The following PCDH15 variants were observed in gnomAD, a reference collection of about 807,000 sequenced individuals.
The protein encoded by PCDH15 is protocadherin-15.
Under a neutral mutation model 178.5 loss-of-function variants are expected in PCDH15, and 129 were observed. The ratio of observed to expected loss-of-function variants is 0.72; its 90% confidence interval spans 0.63 to 0.84. The LOEUF (loss-of-function observed/expected upper bound fraction) is 0.84. Among genes scored for constraint, PCDH15 ranks in the 40% least tolerant of loss-of-function variants. PCDH15 has a pLI of 0.00. For synonymous variants in PCDH15, 800 were observed against 732.0 expected (o/e 1.09, Z -1.50); for missense variants, 2,230 against 2,099.9 (o/e 1.06, Z -1.21).
intron 2 of PCDH15, among the ~76,000 whole-genome samples, chr10:54,581,228 A>G (rs1220806784): frequency 6.6e-6 from 1 of 152,144 alleles, no homozygotes; most frequent in Non-Finnish European, 1.5e-5. Flanking sequence ...TGAAATGGAT[A>G]AATGACTTCA....
chr10:53,955,964 C>T (rs1186222548), intron 23 of PCDH15, among the ~76,000 whole-genome samples: 1 of 151,688 alleles, frequency 6.6e-6, no homozygotes, highest in East Asian at 1.9e-4. Context: ...GGCATATTGC[C>T]AAAGCTAGCA....
At chr10:54,990,942 A>C (rs2131916746) in intron 2 of PCDH15, among the ~76,000 whole-genome samples, 1 of 148,280 alleles carries the variant, frequency 6.7e-6, no homozygotes, top group South Asian at 2.2e-4. Flanking sequence ...TGGCAATTCA[A>C]ATCTTCCCCA....
intron 6 of PCDH15, among the ~76,000 whole-genome samples, chr10:54,341,452 C>T (rs774757562): frequency 4.6e-5 from 7 of 152,182 alleles, no homozygotes; most frequent in African/African-American, 9.7e-5. Context: ...TGAGGTGTCC[C>T]TAGCCATTCA....
At chr10:54,518,858 G>C (rs370732948) in intron 3 of PCDH15, among the ~76,000 whole-genome samples, 46 of 152,186 alleles carry the variant, frequency 3.0e-4, no homozygotes, top group Non-Finnish European at 4.3e-4. Context: ...AAAAGCTTAT[G>C]CACCATGATC....
chr10:54,872,690 A>T lies in PCDH15; in HGVS notation c.-29+24760T>A, dbSNP rs558181953. On this transcript the variant is annotated intron_variant, in intron 3 of 5. Coordinates refer to the PCDH15 transcript ENST00000458638. ...ATGATTTCCTCATCAACAGCCTTGC[A>T]TCATGCTCGATATACTTAGATTATG... Among the ~76,000 whole-genome samples, 7 of 152,226 alleles carry T rather than the reference A, an allele frequency of 4.6e-5. No homozygotes were observed. In the East Asian group the frequency reaches 9.7e-4, roughly 21 times the overall value.
At chr10:55,476,881 T>A (rs942764724) in intron 2 of PCDH15, among the ~76,000 whole-genome samples, 15 of 151,956 alleles carry the variant, frequency 9.9e-5, no homozygotes, top group Non-Finnish European at 2.9e-5. Context: ...CCTCACTTAT[T>A]GTGCTGCCTC....
chr10:55,537,614 T>G (rs976855472), intron 2 of PCDH15, among the ~76,000 whole-genome samples: 1 of 152,116 alleles, frequency 6.6e-6, no homozygotes, highest in African/African-American at 2.4e-5. Flanking sequence ...TTTTGTATTT[T>G]TAGTACAGAC....
chr10:54,299,511 T>C (rs1347370921), intron 8 of PCDH15, among the ~76,000 whole-genome samples: 4 of 152,226 alleles, frequency 2.6e-5, no homozygotes, highest in African/African-American at 9.6e-5. Context: ...TTGTTGTCAG[T>C]GTAAACAAGG....
intron 3 of PCDH15, among the ~76,000 whole-genome samples, chr10:54,879,228 ATG>A (rs1954215212): frequency 6.6e-6 from 1 of 150,928 alleles, no homozygotes; most frequent in Non-Finnish European, 1.5e-5. Flanking sequence ...GTGTGCTTGT[ATG>A]TGTGTGTGTT....
intron 3 of PCDH15, among the ~76,000 whole-genome samples, chr10:54,878,561 C>A (rs930101917): frequency 1.3e-5 from 2 of 152,100 alleles, no homozygotes; most frequent in Non-Finnish European, 2.9e-5. Flanking sequence ...TGAAAATATT[C>A]AAACTTTCTC....
At chr10:55,058,788 T>C (rs1841365108) in intron 2 of PCDH15, among the ~76,000 whole-genome samples, 1 of 152,216 alleles carries the variant, frequency 6.6e-6, no homozygotes. Context: ...GTATTCATTT[T>C]AGAAAGCATG....
chr10:54,797,086 CG>C (rs1407900839), intron 1 of PCDH15, among the ~76,000 whole-genome samples: 2 of 151,976 alleles, frequency 1.3e-5, no homozygotes, highest in African/African-American at 4.8e-5. Context: ...TGTCCTCCCC[CG>C]GTCAGGAAAC....
intron 28 of PCDH15, among the ~76,000 whole-genome samples, chr10:53,840,726 T>A (rs991395015): frequency 7.9e-5 from 12 of 152,228 alleles, no homozygotes; most frequent in Non-Finnish European, 1.5e-5. Flanking sequence ...AACCATGTCC[T>A]ATTTAACTTT....
intron 2 of PCDH15, among the ~76,000 whole-genome samples, chr10:55,088,333 A>G (rs1842228482): frequency 6.6e-6 from 1 of 151,544 alleles, no homozygotes; most frequent in South Asian, 2.1e-4. Context: ...CAGTGGCGTG[A>G]TCTTGGCTCA....
chr10:55,231,484 C>T (rs1288464561), intron 1 of PCDH15, among the ~76,000 whole-genome samples: 1 of 151,926 alleles, frequency 6.6e-6, no homozygotes, highest in Non-Finnish European at 1.5e-5. Context: ...TGCATTCTTG[C>T]TTATTATTTC....
intron 20 of PCDH15, among the ~76,000 whole-genome samples, chr10:53,997,007 G>T (rs954517651): frequency 6.6e-6 from 1 of 151,986 alleles, no homozygotes; most frequent in Non-Finnish European, 1.5e-5. Context: ...TTCTCTTTTT[G>T]CAAAGAAGTC....
chr10:54,993,255 A>G (rs1264229658), intron 2 of PCDH15, among the ~76,000 whole-genome samples: 1 of 152,218 alleles, frequency 6.6e-6, no homozygotes, highest in Non-Finnish European at 1.5e-5. Flanking sequence ...AGAAGAATAA[A>G]TAAAGATCTG....
intron 26 of PCDH15, among the ~76,000 whole-genome samples, chr10:53,880,755 A>C (rs890160380): frequency 6.6e-6 from 1 of 152,196 alleles, no homozygotes; most frequent in Non-Finnish European, 1.5e-5. Flanking sequence ...ATTACCAAAC[A>C]AAATGCCTTT....
At chr10:54,856,823 C>A (rs1213749111) in intron 3 of PCDH15, among the ~76,000 whole-genome samples, 4 of 152,152 alleles carry the variant, frequency 2.6e-5, no homozygotes, top group African/African-American at 9.7e-5. Context: ...TATGTTACCA[C>A]CTCTAGGTAT....
Sources: allele counts gnomAD v4.1 joint callset (sites outside exome capture counted in the v4.1 genomes callset), GRCh38; gene constraint gnomAD v4.1.1; transcripts MANE v1.5; gene names NCBI Gene and HGNC (gene_info 2026-07-23, HGNC 2026-07-21).